PLEKHJ1: variants seen among roughly 807,000 people sequenced by gnomAD.
PLEKHJ1 encodes the protein pleckstrin homology domain-containing family J member 1.
A neutral mutation model predicts 21.7 loss-of-function variants in PLEKHJ1; 20 were observed. The observed-to-expected ratio is 0.92, with a 90% CI of 0.65 to 1.34. The LOEUF is 1.34. PLEKHJ1 is among the 40% of genes most tolerant of loss of function. PLEKHJ1 has a pLI of 0.00. For synonymous variants in PLEKHJ1, 113 were observed against 80.6 expected, an observed-to-expected ratio of 1.40 and a Z score of -2.15; for missense variants, 241 against 202.0, an observed-to-expected ratio of 1.19 and a Z score of -1.17.
In PLEKHJ1 at chr19:2,233,899, G is replaced by C. The variant is rs751926417; in HGVS notation, c.391C>G (p.Leu131Val). 9.3e-6 allele frequency: 15 copies of C among 1,612,474 alleles called. No homozygotes were observed. Among genetic ancestry groups the C allele is most frequent in the Non-Finnish European group, 1.2e-5 (14 of 1,179,852 alleles). Reference sequence around the variant, plus strand: ...TCCTCGGATATGCCGAACTGTTCCAGGGGGTCCTGTGGGGAGGACGGGTGG... The same window carrying C: ...TCCTCGGATATGCCGAACTGTTCCACGGGGTCCTGTGGGGAGGACGGGTGG... ...EIRKVTGKDP[L>V]EQFGISEEAR... Residue 131 changes from leucine to valine, a missense_variant, in exon 6 of 6, where the codon CTG becomes GTG. Leu to Val is a conservative substitution (Grantham distance 32). Coordinates refer to ENST00000326631, the MANE Select transcript of PLEKHJ1 (RefSeq NM_018049.3).
intron 3 of PLEKHJ1, chr19:2,234,973 C>T (rs951800681): frequency 1.3e-5 from 2 of 152,166 alleles, no homozygotes; most frequent in Non-Finnish European, 1.5e-5. Flanking sequence ...GCACTCCAGC[C>T]TGGGCGACAT....
At chr19:2,232,983 T>C (rs1322151485), downstream of PLEKHJ1, among the ~76,000 whole-genome samples, 1 of 152,148 alleles carries the variant, frequency 6.6e-6, no homozygotes, top group African/African-American at 2.4e-5. Flanking sequence ...ACAGCAGCTC[T>C]GTTCTCCCCA....
chr19:2,230,515 G>C (rs994548445), downstream of PLEKHJ1: 3 of 398,666 alleles, frequency 7.5e-6, no homozygotes, highest in Admixed American at 4.4e-5. Flanking sequence ...GCGCGGGCAC[G>C]TTGAACAAGT....
chr19:2,230,785 CCCCAG>C, downstream of PLEKHJ1: 1 of 391,016 alleles, frequency 2.6e-6, no homozygotes, highest in Non-Finnish European at 4.5e-6. Context: ...CACAAAATGG[CCCCAG>C]CGTCAGCCCC....
intron 3 of PLEKHJ1, 169 bp from the exon 4 acceptor site, chr19:2,234,409 A>T: frequency 3.4e-6 from 2 of 586,362 alleles, no homozygotes; most frequent in South Asian, 2.2e-5. Context: ...TTGCATATAA[A>T]CTAGTCAAAA....
At position 2,233,962 on chromosome 19, in the gene PLEKHJ1, C is replaced by T. The variant is rs57656272; in HGVS notation, c.384+36G>A. On this transcript the variant is annotated intron_variant, in intron 5 of 5. Transcript: ENST00000326631. ...GCTGGAGGACTGCCTCTGCCACCTG[C>T]AGCCCCACCCCGGCCCTCTGCAGCC... 2.5e-6 allele frequency: 4 copies of T among 1,611,720 alleles called. No individual in the cohort carries two copies. The East Asian group carries it at 8.9e-5, about 36-fold the overall frequency.
chr19:2,230,309 A>AT (rs1179615268), downstream of PLEKHJ1: 2 of 415,022 alleles, frequency 4.8e-6, no homozygotes, highest in Admixed American at 4.1e-5. Flanking sequence ...TCGCCACCAC[A>AT]TTCCTCGGAG....
chr19:2,234,350 C>T (rs180719148), intron 3 of PLEKHJ1, 110 bp from the exon 4 acceptor site: 140 of 762,238 alleles, frequency 1.8e-4, no homozygotes, highest in African/African-American at 6.3e-4. Context: ...GTGTTCATGT[C>T]CTGACCCCCC....
At chr19:2,232,803 G>T (rs1204661372), downstream of PLEKHJ1, among the ~76,000 whole-genome samples, 1 of 152,180 alleles carries the variant, frequency 6.6e-6, no homozygotes, top group Non-Finnish European at 1.5e-5. Context: ...CAGGCCACAG[G>T]CAAAGTGCCT....
rs752507244 is a variant in PLEKHJ1 at position 2,234,074 on chromosome 19, G to A, written c.321-13C>T. On this transcript the variant is annotated splice_polypyrimidine_tract_variant and intron_variant, in intron 4 of 5. Transcript: ENST00000326631. The stretch of plus-strand genomic sequence containing the variant: ...CATGAACTCGTAGCTGGGGAAAAGG[G>A]TGGCACGGGGTCAAATGCCCGCTCT... 3 of 1,613,486 alleles carry A rather than the reference G, an allele frequency of 1.9e-6. No homozygotes were observed. Among genetic ancestry groups the A allele is most frequent in the Admixed American group, 1.7e-5 (1 of 60,032 alleles).
downstream of PLEKHJ1, chr19:2,232,080 CTG>C (rs1307303871): frequency 1.9e-5 from 4 of 210,998 alleles, no homozygotes; most frequent in Middle Eastern, 4.5e-3. Context: ...GCTGTGGAGA[CTG>C]GGGATCTGGA....
intron 3 of PLEKHJ1, 72 bp downstream of exon 3, chr19:2,235,690 G>C: frequency 7.2e-7 from 1 of 1,393,292 alleles, no homozygotes; most frequent in Middle Eastern, 2.5e-4. Flanking sequence ...GGGCGCCCGG[G>C]GAGGGGAAAG....
At chr19:2,232,669 C>T (rs888161639), downstream of PLEKHJ1, 33 of 180,346 alleles carry the variant, frequency 1.8e-4, no homozygotes, top group African/African-American at 6.1e-4. Context: ...ATCGCCGAAA[C>T]GGGGAGTGGA....
downstream of PLEKHJ1, among the ~76,000 whole-genome samples, chr19:2,232,922 C>A (rs542348071): frequency 1.3e-5 from 2 of 152,306 alleles, no homozygotes; most frequent in East Asian, 3.9e-4. Flanking sequence ...CGGGAGGGCC[C>A]GTGAATGCCA....
chr19:2,232,892 C>T (rs2024662515), downstream of PLEKHJ1, among the ~76,000 whole-genome samples: 1 of 152,198 alleles, frequency 6.6e-6, no homozygotes, highest in Admixed American at 6.5e-5. Context: ...CCAAAGCCCG[C>T]CCAGGCCCCA....
chr19:2,235,547 C>T (rs2024775658), intron 3 of PLEKHJ1: 3 of 586,784 alleles, frequency 5.1e-6, no homozygotes, highest in South Asian at 2.1e-5. Context: ...CTGGGAGGGA[C>T]CCAAGCTTAA....
At chr19:2,232,189 G>A (rs2024629554), downstream of PLEKHJ1, 1 of 223,888 alleles carries the variant, frequency 4.5e-6, no homozygotes. Context: ...GCCTGGGAGT[G>A]GCTCTTGCTC....
intron 3 of PLEKHJ1, 122 bp downstream of exon 3, chr19:2,235,640 G>C (rs533414184): frequency 7.2e-5 from 57 of 795,570 alleles, no homozygotes; most frequent in Admixed American, 3.5e-4. Flanking sequence ...TCTTGTGTTT[G>C]AGGAGGGTGG....
intron 2 of PLEKHJ1, 31 bp downstream of exon 2, chr19:2,235,892 G>A (rs2024794745): frequency 6.2e-7 from 1 of 1,601,888 alleles, no homozygotes; most frequent in Non-Finnish European, 8.5e-7. Context: ...GCCCAGCCTG[G>A]GACCCGCCCG....
Sources: gnomAD v4.1 joint callset for allele counts (sites outside exome capture counted in the v4.1 genomes callset) on GRCh38, gnomAD v4.1.1 for gene constraint, MANE v1.5 for transcripts, NCBI Gene and HGNC (gene_info 2026-07-23, HGNC 2026-07-21) for gene names.